The following FAM78B variants were observed in gnomAD, a reference collection of about 807,000 sequenced individuals.
FAM78B encodes the protein protein FAM78B.
A neutral mutation model predicts 20.0 loss-of-function variants in FAM78B; 10 were observed. That is an observed-to-expected ratio of 0.50 (90% CI 0.31 to 0.85). The LOEUF (loss-of-function observed/expected upper bound fraction) is 0.85, where lower values mean the gene tolerates loss of function less well. Ranked by LOEUF, FAM78B falls within the 40% of genes least tolerant of loss-of-function variation. FAM78B has a pLI of 0.05. For missense variants in FAM78B, 283 were observed against 345.0 expected (o/e 0.82, Z 1.42); for synonymous variants, 135 against 132.8 (o/e 1.02, Z -0.12).
chr1:166,107,857 G>A (rs1179183217), intron 1 of FAM78B, among the ~76,000 whole-genome samples: 1 of 152,132 alleles, frequency 6.6e-6, no homozygotes, highest in South Asian at 2.1e-4. Context: ...GACAATAAAT[G>A]TGATACACCA....
At chr1:166,119,270 C>T (rs1654377310) in intron 1 of FAM78B, among the ~76,000 whole-genome samples, 1 of 152,200 alleles carries the variant, frequency 6.6e-6, no homozygotes, top group Non-Finnish European at 1.5e-5. Flanking sequence ...CCAAGCAGCC[C>T]TGTTGGACTA....
intron 1 of FAM78B, among the ~76,000 whole-genome samples, chr1:166,129,110 G>A (rs1223540429): frequency 1.3e-5 from 2 of 152,186 alleles, no homozygotes; most frequent in African/African-American, 4.8e-5. Flanking sequence ...ATGCTTCTCT[G>A]TCTGGGTGTG....
At chr1:166,136,818 T>C (rs1480243006) in intron 1 of FAM78B, among the ~76,000 whole-genome samples, 1 of 152,192 alleles carries the variant, frequency 6.6e-6, no homozygotes, top group Admixed American at 6.5e-5. Flanking sequence ...CCTGCTCAGT[T>C]CCTGAGAGGG....
At chr1:166,109,880 A>G (rs867275166) in intron 1 of FAM78B, among the ~76,000 whole-genome samples, 20 of 14,616 alleles carry the variant, frequency 1.4e-3, no homozygotes, top group South Asian at 3.0e-3. Flanking sequence ...ATATATATAT[A>G]TGTATATATG....
At chr1:166,095,174 C>T (rs1289112737) in intron 1 of FAM78B, among the ~76,000 whole-genome samples, 4 of 152,154 alleles carry the variant, frequency 2.6e-5, no homozygotes, top group East Asian at 1.9e-4. Flanking sequence ...TTGGAAGGTC[C>T]GTCCTCAGGG....
rs1656403078 is a variant in FAM78B, at chr1:166,166,570, G to A, written c.-322C>T. ...GGAGGGCAGGGAGGGGAGCGGCGCT[G>A]CGAGGAATGGTGCCCACCCCGGGCC... On this transcript the variant is annotated 5_prime_UTR_variant, in exon 1 of 2. Transcript: ENST00000354422. 1 of 151,150 alleles carries A rather than the reference G, an allele frequency of 6.6e-6. No homozygotes were observed. Among genetic ancestry groups the A allele is most frequent in the African/African-American group, 2.4e-5 (1 of 41,276 alleles). The allele number at this position is 151,150 out of a possible 1,614,324, so 9.4% of individuals were successfully genotyped here.
At chr1:166,072,012 A>G (rs1321701507) in intron 1 of FAM78B, among the ~76,000 whole-genome samples, 2 of 152,322 alleles carry the variant, frequency 1.3e-5, no homozygotes, top group Middle Eastern at 3.4e-3. Flanking sequence ...ATGCTTGGTA[A>G]TAATGCACTA....
intron 2 of FAM78B, among the ~76,000 whole-genome samples, chr1:166,061,154 T>C (rs1016558757): frequency 2.0e-5 from 3 of 152,314 alleles, no homozygotes; most frequent in Admixed American, 6.5e-5. Context: ...ACTTACTTCT[T>C]GAATATGCAA....
At chr1:166,134,900 C>T (rs1655014635) in intron 1 of FAM78B, among the ~76,000 whole-genome samples, 1 of 152,216 alleles carries the variant, frequency 6.6e-6, no homozygotes, top group African/African-American at 2.4e-5. Context: ...TTACTACCTA[C>T]AGCGTAAAGT....
At position 166,166,824 on chromosome 1, in the gene FAM78B, G is replaced by A. The variant is rs2101813124; in HGVS notation, c.-576C>T. On this transcript the variant is annotated 5_prime_UTR_variant, in exon 1 of 2. Transcript: ENST00000354422. ...CCAAGAGGCAGGCGGAGGCAGCAGC[G>A]GCGGCGGCGGCGACCGGAGCTCCCG... 6 of 150,988 alleles carry A rather than the reference G, an allele frequency of 4.0e-5. No individual in the cohort carries two copies. The highest frequency in any genetic ancestry group is 3.9e-4 in the East Asian group (2 of 5,120). The allele number at this position is 150,988 out of a possible 1,614,324, so 9.4% of individuals were successfully genotyped here. A position where few individuals can be genotyped will look rare whatever the true frequency, so the allele number is the denominator to read the frequency against.
intron 1 of FAM78B, among the ~76,000 whole-genome samples, chr1:166,109,577 C>T (rs902075384): frequency 6.6e-6 from 1 of 151,604 alleles, no homozygotes; most frequent in Non-Finnish European, 1.5e-5. Flanking sequence ...TAAACTAGTA[C>T]AGCCTGCTAT....
intron 1 of FAM78B, among the ~76,000 whole-genome samples, chr1:166,102,038 G>C (rs933422367): frequency 3.3e-5 from 5 of 152,214 alleles, no homozygotes; most frequent in Non-Finnish European, 5.9e-5. Context: ...AGCCAGAAGA[G>C]AGTGGGGGCC....
intron 1 of FAM78B, chr1:166,164,899 T>A (rs961501768): frequency 8.5e-5 from 13 of 152,342 alleles, no homozygotes; most frequent in Middle Eastern, 3.4e-3. Flanking sequence ...TAGACCTACA[T>A]TGTAACAGCA....
chr1:166,152,452 G>C (rs904413765), intron 1 of FAM78B, among the ~76,000 whole-genome samples: 1 of 152,026 alleles, frequency 6.6e-6, no homozygotes, highest in African/African-American at 2.4e-5. Flanking sequence ...CCGTATTTTA[G>C]GATCTACTCT....
chr1:166,083,354 G>T (rs1216241618), intron 1 of FAM78B, among the ~76,000 whole-genome samples: 2 of 152,124 alleles, frequency 1.3e-5, no homozygotes, highest in African/African-American at 4.8e-5. Flanking sequence ...GAGAGAGGAG[G>T]GGTAGGGGAA....
At chr1:166,134,513 G>C (rs1436933110) in intron 1 of FAM78B, among the ~76,000 whole-genome samples, 2 of 148,946 alleles carry the variant, frequency 1.3e-5, no homozygotes, top group Non-Finnish European at 3.0e-5. Flanking sequence ...GAACATTAAA[G>C]TAGTAATAAT....
chr1:166,101,134 G>A (rs1342381098), intron 1 of FAM78B, among the ~76,000 whole-genome samples: 2 of 152,196 alleles, frequency 1.3e-5, no homozygotes, highest in African/African-American at 4.8e-5. Context: ...TGAGGGTCCC[G>A]ACTGTTAGAA....
chr1:166,105,212 C>G (rs1653720105), intron 1 of FAM78B, among the ~76,000 whole-genome samples: 1 of 152,016 alleles, frequency 6.6e-6, no homozygotes, highest in Non-Finnish European at 1.5e-5. Context: ...ATTCAAGATG[C>G]ATTAAAGACT....
chr1:166,136,826 G>C (rs1655083179), intron 1 of FAM78B, among the ~76,000 whole-genome samples: 1 of 152,216 alleles, frequency 6.6e-6, no homozygotes, highest in South Asian at 2.1e-4. Flanking sequence ...GTTCCTGAGA[G>C]GGAAGAGGGT....
Sources: gnomAD v4.1 joint callset for allele counts (sites outside exome capture counted in the v4.1 genomes callset) on GRCh38, gnomAD v4.1.1 for gene constraint, MANE v1.5 for transcripts, NCBI Gene and HGNC (gene_info 2026-07-23, HGNC 2026-07-21) for gene names.